Variants in DNM1 observed in about 807,000 individuals in gnomAD.
DNM1 encodes the protein dynamin 1.
A neutral mutation model predicts 104.6 loss-of-function variants in DNM1; 29 were observed. That is an observed-to-expected ratio of 0.28 (90% CI 0.21 to 0.38). The LOEUF is 0.38. Among genes scored for constraint, DNM1 ranks in the 10% least tolerant of loss-of-function variants. The probability of loss-of-function intolerance (pLI) is 1.00; values close to 1 mark genes in which losing one functional copy is unlikely to be tolerated. For synonymous variants in DNM1, 445 were observed against 475.8 expected (o/e 0.94, Z 0.84); for missense variants, 640 against 1,189.4 (o/e 0.54, Z 6.79).
At chr9:128,227,444 C>T (rs1188313605) in intron 10 of DNM1, among the ~76,000 whole-genome samples, 1 of 129,262 alleles carries the variant, frequency 7.7e-6, no homozygotes, top group Non-Finnish European at 1.5e-5. Flanking sequence ...TGCAGTGGCA[C>T]GATCTCAGCT....
Position 128,253,877 on chromosome 9 carries a change from G to A in DNM1, c.2535-777G>A, listed in dbSNP as rs116035830. 5.3e-3 allele frequency: 6,494 copies of A among 1,224,852 alleles called. 260 individuals carry two copies. The African/African-American group carries it at 0.09, about 17-fold the overall frequency. The allele number at this position is 1,224,852 out of a possible 1,614,324, so 75.9% of individuals were successfully genotyped here. On this transcript the variant is annotated intron_variant, in intron 21 of 21. Coordinates refer to ENST00000372923, the MANE Select transcript of DNM1 (RefSeq NM_004408.4). This position sits in a 1 kb window ranked among gnomAD's most constrained non-coding sequence, Gnocchi z 5.9. ...CCAGCGGGCTCACGCACCTTGGCCT[G>A]TTGCTCCTAGGGTCACTTGTGCCAT...
intron 10 of DNM1, among the ~76,000 whole-genome samples, chr9:128,227,076 A>G (rs959843123): frequency 7.6e-6 from 1 of 132,330 alleles, no homozygotes; most frequent in Non-Finnish European, 1.5e-5. Context: ...GTGCAGTGGC[A>G]CCATCTTGGC....
chr9:128,206,584 G>A (rs1437579326), intron 1 of DNM1, among the ~76,000 whole-genome samples: 1 of 152,100 alleles, frequency 6.6e-6, no homozygotes, highest in Non-Finnish European at 1.5e-5. Context: ...AGGAGGAGGT[G>A]GCATCTGAGA....
chr9:128,234,241 A>G, intron 11 of DNM1, 134 bp downstream of exon 11: 1 of 697,154 alleles, frequency 1.4e-6, no homozygotes, highest in Non-Finnish European at 2.3e-6. Context: ...TCTCATACTG[A>G]CTCTCTGCTT....
chr9:128,251,130 G>A, intron 21 of DNM1, 190 bp downstream of exon 21: 1 of 657,430 alleles, frequency 1.5e-6, no homozygotes, highest in Non-Finnish European at 2.8e-6. Context: ...CCGAGGGAGC[G>A]CTGAGTCCCG....
At position 128,250,182 on chromosome 9, in the gene DNM1, T is replaced by C. The variant is rs935150035; in HGVS notation, c.2144T>C (p.Met715Thr). Residue 715 changes from methionine to threonine, a missense_variant, in exon 20 of 22, where the codon ATG becomes ACG. Physicochemically the swap from Met to Thr is moderately conservative, Grantham distance 81. Around this residue, in one of 7 missense-constraint regions of DNM1, gnomAD observed 129 missense variants for 224.6 expected, o/e 0.57. Coordinates refer to ENST00000372923, the MANE Select transcript of DNM1 (RefSeq NM_004408.4). ...TCGTGTGGGGACCAGAACACGCTGA[T>C]GGAGGAGTCGGCGGAGCAGGCACAG... ...LYSCGDQNTL[M>T]EESAEQAQRR... 6.2e-7 allele frequency: 1 copy of C among 1,614,120 alleles called. No homozygotes were observed. The highest frequency in any genetic ancestry group is 8.5e-7 in the Non-Finnish European group (1 of 1,180,024).
Position 128,247,887 on chromosome 9 carries a change from T to C in DNM1, c.1894-37T>C. ...TTCCTTCGGCTGTGCTCCCTGGTGG[T>C]GGCGGCGGTGGCAATGTTGGTGTGT... On this transcript the variant is annotated intron_variant, in intron 17 of 21. Coordinates refer to ENST00000372923, the MANE Select transcript of DNM1 (RefSeq NM_004408.4). The surrounding 1 kb of genome is among the most constrained non-coding windows in gnomAD (Gnocchi z 5.1). 3.1e-6 allele frequency: 5 copies of C among 1,611,532 alleles called. No homozygotes were observed. The highest frequency in any genetic ancestry group is 2.2e-5 in the South Asian group (2 of 90,916).
chr9:128,224,362 C>T lies in DNM1; in HGVS notation c.1308C>T (p.Ile436=). ...TGGACATGGTTATCTCGGAGCTAAT[C>T]AGCACCGTTAGACAGTGCACCAAGA... ...KCVDMVISEL[I]STVRQCTKKL... Residue 436 remains isoleucine, a synonymous_variant, in exon 10 of 22, where the codon ATC becomes ATT. Coordinates refer to ENST00000372923, the MANE Select transcript of DNM1 (RefSeq NM_004408.4). This position sits in a 1 kb window ranked among gnomAD's most constrained non-coding sequence, Gnocchi z 4.3. The T allele has an allele frequency of 6.2e-7, 1 of 1,614,010 alleles. No individual in the cohort carries two copies. The highest frequency in any genetic ancestry group is 1.1e-5 in the South Asian group (1 of 91,042).
rs1315668520 is a variant in DNM1, at chr9:128,224,182, C to A, written c.1197-69C>A. The A allele has an allele frequency of 3.2e-6, 5 of 1,546,966 alleles. No individual in the cohort carries two copies. The highest frequency in any genetic ancestry group is 3.5e-6 in the Non-Finnish European group (4 of 1,143,304). ...CAGAGTTCGTGGGCTTGGGGAGGAGCCTCGGCCTGGCCCTCCTGGCCGGCA... is the reference window on the plus strand; with the variant it reads ...CAGAGTTCGTGGGCTTGGGGAGGAGACTCGGCCTGGCCCTCCTGGCCGGCA... On this transcript the variant is annotated intron_variant, in intron 9 of 21. Coordinates refer to ENST00000372923, the MANE Select transcript of DNM1 (RefSeq NM_004408.4). The surrounding 1 kb of genome is among the most constrained non-coding windows in gnomAD (Gnocchi z 4.3).
chr9:128,242,182 T>G, intron 14 of DNM1, 50 bp from the exon 15 acceptor site: 2 of 1,050,580 alleles, frequency 1.9e-6, no homozygotes, highest in Non-Finnish European at 3.0e-6. Flanking sequence ...CCATCCCCCA[T>G]GGGGAGGCTC....
chr9:128,228,990 AAAG>A (rs1427036747), intron 10 of DNM1, among the ~76,000 whole-genome samples: 4 of 141,430 alleles, frequency 2.8e-5, no homozygotes, highest in South Asian at 4.9e-4. Context: ...CTCAAAAAAA[AAAG>A]AAAGAAAGAA....
At position 128,220,929 on chromosome 9, in the gene DNM1, C is replaced by CTTTCT. The variant is rs769274262; in HGVS notation, c.849+601_849+605dup. ...TCTTTCTTTCTTTCTTTCTTTCTTTCTTTCTTTTCTTTTCTTTCTTTCTTT... is the reference window on the plus strand; with the variant it reads ...TCTTTCTTTCTTTCTTTCTTTCTTTCTTTCTTTTCTTTTCTTTTCTTTCTTTCTTT... On this transcript the variant is annotated intron_variant, in intron 6 of 21. Transcript: ENST00000372923. This position sits in a 1 kb window ranked among gnomAD's most constrained non-coding sequence, Gnocchi z 5.2. Among the ~76,000 whole-genome samples the CTTTCT allele has an allele frequency of 4.9e-4, 63 of 128,966 alleles. No individual in the cohort carries two copies. The highest frequency in any genetic ancestry group is 8.4e-4 in the East Asian group (4 of 4,772). The allele number at this position is 128,966 out of a possible 152,430, so 84.6% of individuals were successfully genotyped here.
At chr9:128,250,662 C>A in intron 20 of DNM1, 63 bp from the exon 21 acceptor site, 1 of 1,317,656 alleles carries the variant, frequency 7.6e-7, no homozygotes. Context: ...TGGGGCGGGG[C>A]CTCTGGGTGG....
intron 1 of DNM1, among the ~76,000 whole-genome samples, chr9:128,207,803 A>T (rs921113325): frequency 6.6e-6 from 1 of 152,126 alleles, no homozygotes; most frequent in Non-Finnish European, 1.5e-5. Flanking sequence ...CGCTGCTTCT[A>T]TCCCTGCCTG....
chr9:128,230,255 T>A, intron 10 of DNM1, among the ~76,000 whole-genome samples: 1 of 144,820 alleles, frequency 6.9e-6, no homozygotes, highest in Non-Finnish European at 1.5e-5. Context: ...AAAAAAAAGA[T>A]GGGATTCACT....
At chr9:128,213,103 A>G (rs899247462) in intron 1 of DNM1, among the ~76,000 whole-genome samples, 2 of 152,118 alleles carry the variant, frequency 1.3e-5, no homozygotes, top group African/African-American at 4.8e-5. Context: ...TTTGTTTGAG[A>G]TAGAGTCTCA....
At chr9:128,238,515 C>A (rs887591383) in intron 11 of DNM1, among the ~76,000 whole-genome samples, 1 of 152,080 alleles carries the variant, frequency 6.6e-6, no homozygotes, top group South Asian at 2.1e-4. Context: ...TGAGCCACTG[C>A]GCCTGGCTAA....
chr9:128,233,898 C>T, intron 10 of DNM1, 123 bp from the exon 11 acceptor site: 3 of 845,856 alleles, frequency 3.5e-6, no homozygotes, highest in East Asian at 2.7e-5. Context: ...CTCTTCCCCG[C>T]GTTGTGGGCA....
intron 21 of DNM1, 33 bp downstream of exon 21, chr9:128,250,973 G>A (rs1468610362): frequency 8.0e-7 from 1 of 1,257,220 alleles, no homozygotes; most frequent in Non-Finnish European, 1.1e-6. Flanking sequence ...TGGAGAGGCT[G>A]CCGGACGGGC....
Sources: allele counts gnomAD v4.1 joint callset (sites outside exome capture counted in the v4.1 genomes callset), GRCh38; gene constraint gnomAD v4.1.1; regional missense constraint gnomAD v4.1.1; non-coding constraint Gnocchi (gnomAD v3.1); transcripts MANE v1.5; gene names NCBI Gene and HGNC (gene_info 2026-07-23, HGNC 2026-07-21).